Variants in AKT3 observed in about 807,000 individuals in gnomAD.
AKT3 encodes the protein RAC-gamma serine/threonine-protein kinase.
A neutral mutation model predicts 65.3 loss-of-function variants in AKT3; 15 were observed. The ratio of observed to expected loss-of-function variants is 0.23; its 90% CI spans 0.15 to 0.35. The LOEUF (loss-of-function observed/expected upper bound fraction) is 0.35, where lower values mean the gene tolerates loss of function less well. Ranked by LOEUF, AKT3 falls within the 10% of genes least tolerant of loss-of-function variation. AKT3 has a pLI of 1.00. For missense variants in AKT3, 243 were observed against 576.5 expected (o/e 0.42, Z 5.92); for synonymous variants, 206 against 183.8 (o/e 1.12, Z -0.98).
intron 5 of AKT3, among the ~76,000 whole-genome samples, chr1:243,642,634 G>C (rs10927051): frequency 0.23 from 35,646 of 152,008 alleles, 4,535 homozygotes; most frequent in African/African-American, 0.32. Flanking sequence ...TAAAAATATA[G>C]GAGTATGAAT....
intron 3 of AKT3, among the ~76,000 whole-genome samples, chr1:243,667,782 A>G (rs1682898719): frequency 6.6e-6 from 1 of 151,982 alleles, no homozygotes; most frequent in African/African-American, 2.4e-5. Context: ...CCTCCCACTG[A>G]CCCCACTGAA....
intron 2 of AKT3, among the ~76,000 whole-genome samples, chr1:243,834,505 G>GTACT (rs1363741920): frequency 6.6e-6 from 1 of 152,080 alleles, no homozygotes; most frequent in East Asian, 1.9e-4. Context: ...CGCTGAGGGT[G>GTACT]TACTTTGTGT....
At chr1:243,810,872 C>A (rs201723798) in intron 2 of AKT3, among the ~76,000 whole-genome samples, 1 of 152,194 alleles carries the variant, frequency 6.6e-6, no homozygotes, top group Non-Finnish European at 1.5e-5. Context: ...GCTGGTTCAA[C>A]ATATGCAAAT....
chr1:243,581,011 C>G (rs1675304563), intron 8 of AKT3, among the ~76,000 whole-genome samples: 1 of 152,144 alleles, frequency 6.6e-6, no homozygotes, highest in Admixed American at 6.5e-5. Flanking sequence ...GGTCTCTGCT[C>G]CATGCTCTAG....
intron 2 of AKT3, among the ~76,000 whole-genome samples, chr1:243,730,760 G>A (rs891995008): frequency 1.7e-4 from 26 of 152,204 alleles, no homozygotes; most frequent in Admixed American, 1.6e-3. Flanking sequence ...TTGAGGCTCT[G>A]CAGTTGCTGG....
chr1:243,563,502 G>A (rs1673938372), intron 10 of AKT3, among the ~76,000 whole-genome samples: 1 of 152,102 alleles, frequency 6.6e-6, no homozygotes, highest in South Asian at 2.1e-4. Context: ...ACTGACTATA[G>A]CTAGTACCTT....
At chr1:243,840,088 T>C (rs567415882) in intron 2 of AKT3, among the ~76,000 whole-genome samples, 22 of 152,142 alleles carry the variant, frequency 1.4e-4, no homozygotes, top group Admixed American at 2.6e-4. Context: ...GGGGAATCAC[T>C]TGAACACGGG....
At chr1:243,785,458 T>G (rs1023022963) in intron 2 of AKT3, among the ~76,000 whole-genome samples, 3 of 88,328 alleles carry the variant, frequency 3.4e-5, no homozygotes, top group Non-Finnish European at 6.8e-5. Flanking sequence ...AGAATCAACG[T>G]TTTTTTTTTA....
rs1692429585 is a variant in AKT3, at chr1:243,802,326, C to T, written c.46+40799G>A. Among the ~76,000 whole-genome samples the T allele has an allele frequency of 2.6e-5, 4 of 152,104 alleles. No individual in the cohort carries two copies. In the South Asian group the frequency reaches 6.2e-4, roughly 24 times the overall value. On this transcript the variant is annotated intron_variant, in intron 2 of 13. Transcript: ENST00000673466. Reference sequence around the variant, plus strand: ...CTACATGACATGGTAGCAAACGAAACCATGACAGGCAGCTGTGACGAAAAT... The same window carrying T: ...CTACATGACATGGTAGCAAACGAAATCATGACAGGCAGCTGTGACGAAAAT...
intron 11 of AKT3, among the ~76,000 whole-genome samples, chr1:243,551,360 A>G (rs1574591243): frequency 6.6e-6 from 1 of 152,336 alleles, no homozygotes; most frequent in East Asian, 1.9e-4. Context: ...CATATAAATA[A>G]TATCTGCAGC....
intron 6 of AKT3, among the ~76,000 whole-genome samples, chr1:243,621,157 A>T (rs1429722840): frequency 1.3e-5 from 2 of 152,122 alleles, no homozygotes; most frequent in Non-Finnish European, 2.9e-5. Context: ...TTACCTAGTC[A>T]AGCTACTAAG....
In AKT3 at chr1:243,631,969, A is replaced by G. The variant is rs1364380788; in HGVS notation, c.561+5642T>C. ...TGCTATTTCTACCACCTCTGCAGTTATTTCCTCCACTGGAGTCTTGAACCC... is the reference window on the plus strand; with the variant it reads ...TGCTATTTCTACCACCTCTGCAGTTGTTTCCTCCACTGGAGTCTTGAACCC... On this transcript the variant is annotated intron_variant, in intron 6 of 13. Coordinates refer to ENST00000673466, the MANE Select transcript of AKT3 (RefSeq NM_005465.7). Among the ~76,000 whole-genome samples the G allele has an allele frequency of 2.6e-5, 4 of 152,130 alleles. No homozygotes were observed. In the South Asian group the frequency reaches 8.3e-4, roughly 32 times the overall value.
chr1:243,604,130 G>A (rs1677220488), intron 8 of AKT3, among the ~76,000 whole-genome samples: 1 of 151,868 alleles, frequency 6.6e-6, no homozygotes, highest in African/African-American at 2.4e-5. Context: ...CCTGGCCTCA[G>A]GTGATCCACC....
At chr1:243,590,567 T>A (rs1033456044) in intron 8 of AKT3, among the ~76,000 whole-genome samples, 2 of 152,050 alleles carry the variant, frequency 1.3e-5, no homozygotes, top group African/African-American at 4.8e-5. Context: ...AGATACTGAC[T>A]TCAAAATAGT....
chr1:243,582,319 G>GA lies in AKT3; in HGVS notation c.697-9272dup, dbSNP rs578214660. On this transcript the variant is annotated intron_variant, in intron 8 of 13. Coordinates refer to ENST00000673466, the MANE Select transcript of AKT3 (RefSeq NM_005465.7). ...CAGACTGTCCAAGGTCAACACTAAA[G>GA]AAAAAAAAATCTTAAAGGCAGCTAG... Among the ~76,000 whole-genome samples, 876 of 149,628 alleles carry GA rather than the reference G, an allele frequency of 5.9e-3. 4 individuals are homozygous for GA. Among genetic ancestry groups the GA allele is most frequent in the Admixed American group, 8.7e-3 (131 of 15,066 alleles).
At chr1:243,848,386 A>C (rs1695606687) in intron 1 of AKT3, among the ~76,000 whole-genome samples, 1 of 152,216 alleles carries the variant, frequency 6.6e-6, no homozygotes, top group South Asian at 2.1e-4. Flanking sequence ...ATAAGTTGCT[A>C]TTTTAATTAT....
At chr1:243,509,218 CT>C (rs921271332) in intron 13 of AKT3, among the ~76,000 whole-genome samples, 20 of 152,132 alleles carry the variant, frequency 1.3e-4, no homozygotes, top group African/African-American at 4.8e-4. Flanking sequence ...TTCTTGATGG[CT>C]TTTATATTGC....
At chr1:243,649,593 G>A (rs1286297984) in intron 4 of AKT3, among the ~76,000 whole-genome samples, 3 of 151,862 alleles carry the variant, frequency 2.0e-5, no homozygotes, top group African/African-American at 7.3e-5. Context: ...GCCCCAGTAT[G>A]TGATGTTCCC....
At chr1:243,741,269 G>GTT (rs1428744361) in intron 2 of AKT3, among the ~76,000 whole-genome samples, 1 of 151,974 alleles carries the variant, frequency 6.6e-6, no homozygotes, top group East Asian at 1.9e-4. Flanking sequence ...TTGTTTCTCT[G>GTT]TTTCTCTCTC....
Sources: gnomAD v4.1 joint callset for allele counts (sites outside exome capture counted in the v4.1 genomes callset) on GRCh38, gnomAD v4.1.1 for gene constraint, MANE v1.5 for transcripts, NCBI Gene and HGNC (gene_info 2026-07-23, HGNC 2026-07-21) for gene names.